Variants in CNTNAP2 observed in about 807,000 individuals in gnomAD.
The protein encoded by CNTNAP2 is contactin-associated protein-like 2.
In CNTNAP2, 98 loss-of-function variants were observed where a neutral mutation model predicts 155.2. That is an observed-to-expected ratio of 0.63 (90% CI 0.54 to 0.75). CNTNAP2 has a LOEUF of 0.75. Ranked by LOEUF, CNTNAP2 falls within the 30% of genes least tolerant of loss-of-function variation. The pLI, the probability that CNTNAP2 is intolerant of heterozygous loss-of-function variation, is 0.00. For synonymous variants in CNTNAP2, 651 were observed against 631.2 expected (o/e 1.03, Z -0.47); for missense variants, 1,727 against 1,688.1 (o/e 1.02, Z -0.40).
At chr7:147,011,397 C>T (rs555000675) in intron 3 of CNTNAP2, among the ~76,000 whole-genome samples, 1 of 103,362 alleles carries the variant, frequency 9.7e-6, no homozygotes, top group Non-Finnish European at 1.7e-5. Flanking sequence ...CCAGCCTGGA[C>T]AACTGAATGA....
intron 17 of CNTNAP2, among the ~76,000 whole-genome samples, chr7:148,150,365 G>A (rs1176615777): frequency 2.0e-5 from 3 of 152,086 alleles, no homozygotes; most frequent in South Asian, 2.1e-4. Flanking sequence ...TGGCTAACAC[G>A]GTGAAACCCC....
chr7:147,035,648 A>G (rs949503139), intron 3 of CNTNAP2, among the ~76,000 whole-genome samples: 2 of 152,194 alleles, frequency 1.3e-5, no homozygotes, highest in Non-Finnish European at 2.9e-5. Context: ...AGCTCTTCCT[A>G]GATTTAGTTA....
chr7:147,255,136 G>A (rs776791255), intron 8 of CNTNAP2, among the ~76,000 whole-genome samples: 9 of 152,174 alleles, frequency 5.9e-5, no homozygotes, highest in South Asian at 2.1e-4. Context: ...CATATTAAGT[G>A]TCTAGAGCAG....
At chr7:147,307,854 G>C (rs994131933) in intron 9 of CNTNAP2, among the ~76,000 whole-genome samples, 1 of 152,132 alleles carries the variant, frequency 6.6e-6, no homozygotes, top group African/African-American at 2.4e-5. Flanking sequence ...CTAACAAGTA[G>C]TAGAGCTTGG....
chr7:146,843,196 T>C (rs1283121655), intron 3 of CNTNAP2, among the ~76,000 whole-genome samples: 5 of 136,000 alleles, frequency 3.7e-5, no homozygotes, highest in Non-Finnish European at 7.7e-5. Flanking sequence ...GTATTTTTAG[T>C]AGAGACGGGG....
Position 147,587,003 on chromosome 7 carries a change from T to C in CNTNAP2, c.1897+24746T>C, listed in dbSNP as rs557595246. ...TAACTGATACCTTGTTTTTGGTGAA[T>C]TGAGTAGATACTGGCAACCTAACAA... On this transcript the variant is annotated intron_variant, in intron 12 of 23. Coordinates refer to ENST00000361727, the MANE Select transcript of CNTNAP2 (RefSeq NM_014141.6). Among the ~76,000 whole-genome samples the C allele has an allele frequency of 2.0e-5, 3 of 152,250 alleles. No individual in the cohort carries two copies. The South Asian group carries it at 6.2e-4, about 32-fold the overall frequency.
intron 3 of CNTNAP2, among the ~76,000 whole-genome samples, chr7:146,929,982 T>C (rs1796710877): frequency 1.3e-5 from 2 of 152,264 alleles, no homozygotes; most frequent in South Asian, 2.1e-4. Context: ...CTGACAGTGA[T>C]GGGGAGAATG....
chr7:148,352,058 G>T (rs1244467637), intron 21 of CNTNAP2, among the ~76,000 whole-genome samples: 2 of 152,212 alleles, frequency 1.3e-5, no homozygotes, highest in African/African-American at 4.8e-5. Context: ...CTTCTCCAAA[G>T]GAGATGGAAT....
intron 13 of CNTNAP2, among the ~76,000 whole-genome samples, chr7:147,714,640 T>A (rs1435010469): frequency 6.6e-6 from 1 of 152,116 alleles, no homozygotes; most frequent in Non-Finnish European, 1.5e-5. Flanking sequence ...TTGATACTAG[T>A]ATAAGCCATA....
rs544111548 is a variant in CNTNAP2, at chr7:148,410,307, C to G, written c.3796+836C>G. Among the ~76,000 whole-genome samples the G allele has an allele frequency of 1.4e-4, 21 of 152,088 alleles. No individual in the cohort carries two copies. In the East Asian group the frequency reaches 3.9e-3, roughly 28 times the overall value. The stretch of plus-strand genomic sequence containing the variant: ...AAGGAATGCTGGGTGCAGTGACTTA[C>G]GCCTGTAATCCCAGCACTTCGGGAG... On this transcript the variant is annotated intron_variant, in intron 23 of 23. Coordinates refer to ENST00000361727, the MANE Select transcript of CNTNAP2 (RefSeq NM_014141.6).
At chr7:147,165,155 A>G (rs962474720) in intron 8 of CNTNAP2, among the ~76,000 whole-genome samples, 6 of 44,062 alleles carry the variant, frequency 1.4e-4, no homozygotes, top group South Asian at 1.4e-3. Context: ...TTTAAAATCC[A>G]AAGTATTTTT....
intron 13 of CNTNAP2, among the ~76,000 whole-genome samples, chr7:147,892,905 A>G (rs1195701821): frequency 6.6e-6 from 1 of 152,210 alleles, no homozygotes; most frequent in East Asian, 1.9e-4. Context: ...ATTTATTTCT[A>G]TTCACCCCTA....
At chr7:146,268,701 T>C (rs1800032729) in intron 1 of CNTNAP2, among the ~76,000 whole-genome samples, 1 of 152,218 alleles carries the variant, frequency 6.6e-6, no homozygotes, top group Non-Finnish European at 1.5e-5. Context: ...ATTCATTTAG[T>C]TTTTTCTTGG....
intron 1 of CNTNAP2, among the ~76,000 whole-genome samples, chr7:146,225,914 C>T (rs1313807487): frequency 1.3e-5 from 2 of 152,224 alleles, no homozygotes; most frequent in African/African-American, 4.8e-5. Flanking sequence ...CTCTTTCACT[C>T]TTTGTAATCC....
intron 1 of CNTNAP2, among the ~76,000 whole-genome samples, chr7:146,758,614 C>T (rs974181308): frequency 7.9e-5 from 12 of 152,110 alleles, no homozygotes; most frequent in African/African-American, 2.9e-4. Context: ...GAGAAGAGAG[C>T]TTGTGCAGGG....
intron 15 of CNTNAP2, among the ~76,000 whole-genome samples, chr7:148,044,433 G>A (rs138586983): frequency 6.3e-4 from 96 of 152,214 alleles, no homozygotes; most frequent in African/African-American, 2.2e-3. Flanking sequence ...TAGTCTGAAT[G>A]TCTCTATCCT....
chr7:146,655,843 A>T (rs1799988026), intron 1 of CNTNAP2, among the ~76,000 whole-genome samples: 1 of 152,108 alleles, frequency 6.6e-6, no homozygotes, highest in Non-Finnish European at 1.5e-5. Flanking sequence ...GTATTCTATG[A>T]TTTCCTCTTG....
At chr7:146,214,736 G>A (rs1048980719) in intron 1 of CNTNAP2, among the ~76,000 whole-genome samples, 14 of 152,006 alleles carry the variant, frequency 9.2e-5, no homozygotes. Context: ...GTAAAGTTCA[G>A]AGTTATTCCT....
chr7:147,056,944 T>G (rs1038336472), intron 4 of CNTNAP2, among the ~76,000 whole-genome samples: 7 of 151,966 alleles, frequency 4.6e-5, no homozygotes, highest in Non-Finnish European at 8.8e-5. Flanking sequence ...CTTATTTTTT[T>G]TATTTATATT....
Sources: gnomAD v4.1 joint callset for allele counts (sites outside exome capture counted in the v4.1 genomes callset) on GRCh38, gnomAD v4.1.1 for gene constraint, MANE v1.5 for transcripts, NCBI Gene and HGNC (gene_info 2026-07-23, HGNC 2026-07-21) for gene names.